The following TBX19 variants were observed in gnomAD, a reference collection of about 807,000 sequenced individuals.
TBX19 encodes T-box transcription factor TBX19.
TBX19 carries 33 observed loss-of-function variants against 40.9 expected under a neutral mutation model. The observed-to-expected ratio is 0.81, with a 90% confidence interval of 0.61 to 1.08. The LOEUF (loss-of-function observed/expected upper bound fraction) is 1.08, where lower values mean the gene tolerates loss of function less well. Among genes scored for constraint, TBX19 ranks in the 50% least tolerant of loss-of-function variants. TBX19 has a pLI of 0.00. For synonymous variants in TBX19, 220 were observed against 225.0 expected, an observed-to-expected ratio of 0.98 and a Z score of 0.20; for missense variants, 494 against 574.0, an observed-to-expected ratio of 0.86 and a Z score of 1.42.
At chr1:168,296,989 A>G (rs1649127085) in intron 3 of TBX19, among the ~76,000 whole-genome samples, 1 of 152,260 alleles carries the variant, frequency 6.6e-6, no homozygotes, top group African/African-American at 2.4e-5. Context: ...AAATACTGCA[A>G]TGAATAAAAC....
At position 168,285,292 on chromosome 1, in the gene TBX19, CA is replaced by C. The variant is rs1440293322; in HGVS notation, c.203+4000del. Among the ~76,000 whole-genome samples the C allele has an allele frequency of 3.5e-3, 528 of 151,470 alleles. 6 individuals are homozygous for C. Among genetic ancestry groups the C allele is most frequent in the African/African-American group, 0.012 (500 of 41,050 alleles). ...ACACACACACACACACACACACACA[CA>C]CACACACCCCTCTAAAAGTTCTGAT... On this transcript the variant is annotated intron_variant, in intron 1 of 7. Transcript: ENST00000367821.
intron 1 of TBX19, among the ~76,000 whole-genome samples, chr1:168,286,482 A>T (rs1465898397): frequency 6.6e-6 from 1 of 152,248 alleles, no homozygotes; most frequent in Admixed American, 6.5e-5. Context: ...GAATCATACA[A>T]TATGTGGTCC....
intron 6 of TBX19, among the ~76,000 whole-genome samples, chr1:168,305,887 A>G (rs1253920867): frequency 6.6e-6 from 1 of 152,224 alleles, no homozygotes; most frequent in Non-Finnish European, 1.5e-5. Flanking sequence ...TAAATTATTC[A>G]TGCAACAAAT....
chr1:168,308,570 T>TTAAACG (rs1649457834), intron 6 of TBX19, 172 bp from the exon 7 acceptor site: 2 of 778,286 alleles, frequency 2.6e-6, no homozygotes, highest in South Asian at 3.4e-5. Context: ...ATGGTTGACA[T>TTAAACG]TGAGGAAACC....
rs1572486152 is a variant in TBX19, at chr1:168,313,326, C to G, written c.*324C>G. 2 of 407,656 alleles carry G rather than the reference C, an allele frequency of 4.9e-6. No homozygotes were observed. The highest frequency in any genetic ancestry group is 9.1e-6 in the Non-Finnish European group (2 of 218,682). 25.3% of individuals were successfully genotyped at this position (407,656 alleles called of 1,614,324 possible). A position where few individuals can be genotyped will look rare whatever the true frequency, so the allele number is the denominator to read the frequency against. On this transcript the variant is annotated 3_prime_UTR_variant, in exon 8 of 8. Coordinates refer to ENST00000367821, the MANE Select transcript of TBX19 (RefSeq NM_005149.3). ...AAATCGTTCTGGAAAGCCTCACTTC[C>G]TTTTCTGTGGAGAAGGTGCAAAGCT...
chr1:168,294,635 G>A (rs988602521), intron 3 of TBX19, among the ~76,000 whole-genome samples: 2 of 152,034 alleles, frequency 1.3e-5, no homozygotes, highest in African/African-American at 2.4e-5. Flanking sequence ...CCAAGTAGCT[G>A]GGACTACAGA....
intron 1 of TBX19, among the ~76,000 whole-genome samples, chr1:168,281,589 G>T (rs1244203217): frequency 6.6e-6 from 1 of 152,256 alleles, no homozygotes; most frequent in African/African-American, 2.4e-5. Context: ...TTAAATGTCA[G>T]AAAATAATAT....
Position 168,312,989 on chromosome 1 carries a change from C to T in TBX19, c.1334C>T (p.Ser445Leu), listed in dbSNP as rs775576380. ...GCGGGTGGGCACCATTCTCCTTCCT[C>T]ACTGGATGGTTAAGCAGGATCCTAG... is the stretch of plus-strand genomic sequence containing the variant. Reference protein sequence around the residue: ...PGAGGHHSPSSLDG With the variant: ...PGAGGHHSPSLLDG The change falls in exon 8 of 8, where the codon TCA becomes TTA. Residue 445 changes from serine to leucine, a missense_variant. Around this residue, in one of 3 missense-constraint regions of TBX19, gnomAD observed 284 missense variants for 307.3 expected, o/e 0.92. Transcript: ENST00000367821. 1 of 1,614,212 alleles carries T rather than the reference C, an allele frequency of 6.2e-7. No homozygotes were observed. Among genetic ancestry groups the T allele is most frequent in the South Asian group, 1.1e-5 (1 of 91,088 alleles).
rs16860362 is a variant in TBX19 at position 168,313,471 on chromosome 1, G to A, written c.*469G>A. 2,940 of 227,514 alleles carry A rather than the reference G, an allele frequency of 0.013. 127 individuals are homozygous for A. The highest frequency in any genetic ancestry group is 0.063 in the African/African-American group (2,732 of 43,654). The allele number at this position is 227,514 out of a possible 1,614,324, so 14.1% of individuals were successfully genotyped here. On this transcript the variant is annotated 3_prime_UTR_variant, in exon 8 of 8. Coordinates refer to ENST00000367821, the MANE Select transcript of TBX19 (RefSeq NM_005149.3). ...TTCTGCTTTGAGACCAGGATGGGGT[G>A]TAAGCCATAGAGTAAGGTTAACAAA... is the stretch of plus-strand genomic sequence containing the variant.
At chr1:168,296,581 G>A (rs1317793130) in intron 3 of TBX19, among the ~76,000 whole-genome samples, 2 of 152,198 alleles carry the variant, frequency 1.3e-5, no homozygotes, top group Middle Eastern at 3.4e-3. Context: ...ATCTCCCACC[G>A]GGACCGTCCC....
chr1:168,302,667 G>T (rs529139221), intron 5 of TBX19, among the ~76,000 whole-genome samples: 5 of 151,554 alleles, frequency 3.3e-5, no homozygotes, highest in South Asian at 2.1e-4. Flanking sequence ...GAATGAAAAA[G>T]AAGAAAAAAG....
At chr1:168,296,693 A>C (rs566951321) in intron 3 of TBX19, among the ~76,000 whole-genome samples, 8 of 152,252 alleles carry the variant, frequency 5.3e-5, no homozygotes, top group Middle Eastern at 6.8e-3. Context: ...TCTTCCATCA[A>C]GTCTCAGATC....
chr1:168,296,761 C>G (rs1161486303), intron 3 of TBX19, among the ~76,000 whole-genome samples: 4 of 152,096 alleles, frequency 2.6e-5, no homozygotes, highest in Admixed American at 1.3e-4. Flanking sequence ...GTAATCCCAG[C>G]ACTTTGGGAG....
rs765892249 is a variant in TBX19, at chr1:168,305,103, A to G, written c.823A>G (p.Thr275Ala). Residue 275 changes from threonine to alanine, a missense_variant, in exon 6 of 8, where the codon ACC becomes GCC. By Grantham distance (58) the Thr-to-Ala change is moderately conservative. Coordinates refer to ENST00000367821, the MANE Select transcript of TBX19 (RefSeq NM_005149.3). ...AAPLPLPAPH[T>A]HHGCEHYSGL... The stretch of plus-strand genomic sequence containing the variant: ...TCCTCTGCCTCTGCCTGCTCCCCAC[A>G]CCCACCATGGCTGTGAGCACTATTC... The G allele has an allele frequency of 2.6e-5, 42 of 1,613,796 alleles. No homozygotes were observed. Among genetic ancestry groups the G allele is most frequent in the Non-Finnish European group, 3.4e-5 (40 of 1,179,998 alleles).
chr1:168,293,173 A>G lies in TBX19; in HGVS notation c.498A>G (p.Glu166=), dbSNP rs1386666215. The G allele has an allele frequency of 6.2e-7, 1 of 1,613,758 alleles. No individual in the cohort carries two copies. The highest frequency in any genetic ancestry group is 1.1e-5 in the South Asian group (1 of 91,060). Residue 166 remains glutamate, a synonymous_variant, in exon 3 of 8, where the codon GAA becomes GAG. Coordinates refer to ENST00000367821, the MANE Select transcript of TBX19 (RefSeq NM_005149.3). ...QIMLNSLHKY[E]PQVHIVRVGS... is the part of the protein sequence containing the mutation. ...TGTTGAATTCTCTGCATAAATATGA[A>G]CCCCAGGTTCACATAGTGCGTGTTG...
In TBX19 at chr1:168,283,475, C is replaced by T. The variant is rs950063024; in HGVS notation, c.203+2182C>T. On this transcript the variant is annotated intron_variant, in intron 1 of 7. Coordinates refer to ENST00000367821, the MANE Select transcript of TBX19 (RefSeq NM_005149.3). ...TGAATGAACTTGGTCTGAAATTACC[C>T]CCAACCTCTTAGTTTCTCAGATTAA... is the stretch of plus-strand genomic sequence containing the variant. Among the ~76,000 whole-genome samples the T allele has an allele frequency of 2.0e-5, 3 of 152,086 alleles. No individual in the cohort carries two copies. In the South Asian group the frequency reaches 6.2e-4, roughly 32 times the overall value.
chr1:168,310,067 C>A (rs556465459), intron 7 of TBX19, among the ~76,000 whole-genome samples: 8 of 152,056 alleles, frequency 5.3e-5, no homozygotes, highest in African/African-American at 1.7e-4. Context: ...TTTGGGAGGC[C>A]GAGGCAGGTA....
At chr1:168,300,126 G>A (rs1367119234) in intron 4 of TBX19, among the ~76,000 whole-genome samples, 6 of 152,082 alleles carry the variant, frequency 3.9e-5, no homozygotes, top group Non-Finnish European at 7.4e-5. Flanking sequence ...ATTATTGCTT[G>A]AATCTTGTCA....
At chr1:168,296,459 A>G (rs2102356551) in intron 3 of TBX19, among the ~76,000 whole-genome samples, 1 of 152,336 alleles carries the variant, frequency 6.6e-6, no homozygotes, top group East Asian at 1.9e-4. Context: ...TGACAGGCAA[A>G]GAGAATGAGA....
Sources: gnomAD v4.1 joint callset for allele counts (sites outside exome capture counted in the v4.1 genomes callset) on GRCh38, gnomAD v4.1.1 for gene constraint, gnomAD v4.1.1 regional missense constraint, MANE v1.5 for transcripts, NCBI Gene and HGNC (gene_info 2026-07-23, HGNC 2026-07-21) for gene names.